KIF16B: variants seen among roughly 807,000 people sequenced by gnomAD.
The protein encoded by KIF16B is kinesin-like protein KIF16B.
KIF16B carries 98 observed loss-of-function variants against 156.3 expected under a neutral mutation model. The observed-to-expected ratio is 0.63, with a 90% CI of 0.53 to 0.74. The LOEUF is 0.74. Ranked by LOEUF, KIF16B falls within the 30% of genes least tolerant of loss-of-function variation. KIF16B has a pLI of 0.00. For synonymous variants in KIF16B, 564 were observed against 583.7 expected, an observed-to-expected ratio of 0.97 and a Z score of 0.49; for missense variants, 1,421 against 1,606.5, an observed-to-expected ratio of 0.88 and a Z score of 1.97.
chr20:16,559,293 T>C (rs968492751), intron 1 of KIF16B, among the ~76,000 whole-genome samples: 1 of 152,152 alleles, frequency 6.6e-6, no homozygotes, highest in Non-Finnish European at 1.5e-5. Flanking sequence ...TGCCTATCCA[T>C]AGTCCATCAA....
At chr20:16,425,899 C>G (rs1401220716) in intron 15 of KIF16B, among the ~76,000 whole-genome samples, 1 of 152,100 alleles carries the variant, frequency 6.6e-6, no homozygotes, top group African/African-American at 2.4e-5. Context: ...TACCAGGCAG[C>G]ATGACTGAGA....
chr20:16,554,922 G>C (rs1421054390), intron 1 of KIF16B, among the ~76,000 whole-genome samples: 1 of 152,226 alleles, frequency 6.6e-6, no homozygotes, highest in Non-Finnish European at 1.5e-5. Flanking sequence ...CAGCACGCCT[G>C]GCTGTGAGCA....
intron 1 of KIF16B, among the ~76,000 whole-genome samples, chr20:16,544,351 T>A (rs1433890450): frequency 6.6e-6 from 1 of 152,172 alleles, no homozygotes; most frequent in Non-Finnish European, 1.5e-5. Flanking sequence ...GGCTCACGCC[T>A]GTAATCCCAG....
intron 12 of KIF16B, among the ~76,000 whole-genome samples, chr20:16,445,127 G>A (rs1338008353): frequency 2.0e-5 from 3 of 152,056 alleles, no homozygotes; most frequent in African/African-American, 7.2e-5. Flanking sequence ...ATCAGCCTAA[G>A]AGTTCCAGGC....
chr20:16,336,174 A>G (rs182700792), intron 23 of KIF16B, among the ~76,000 whole-genome samples, 159 bp from the exon 24 acceptor site: 1 of 152,376 alleles, frequency 6.6e-6, no homozygotes, highest in East Asian at 1.9e-4. Flanking sequence ...CAACTTAGAA[A>G]TAATAAATGT....
At chr20:16,291,031 A>G (rs754970724) in intron 25 of KIF16B, among the ~76,000 whole-genome samples, 65 of 152,232 alleles carry the variant, frequency 4.3e-4, no homozygotes, top group Admixed American at 1.8e-3. Context: ...AACCAAAAGT[A>G]TATACATTGA....
chr20:16,506,194 T>C lies in KIF16B; in HGVS notation c.700-4A>G, dbSNP rs745627902. ...GCATTTCAGAATCAAATTTAGCCTG[T>C]GGTAAAATAAAAAAGTAAAATTGAA... On this transcript the variant is annotated splice_polypyrimidine_tract_variant and splice_region_variant and intron_variant, in intron 7 of 25. Coordinates refer to ENST00000354981, the MANE Select transcript of KIF16B (RefSeq NM_024704.5). The C allele has an allele frequency of 1.1e-5, 17 of 1,613,684 alleles. No individual in the cohort carries two copies. The highest frequency in any genetic ancestry group is 1.7e-5 in the Admixed American group (1 of 59,998).
intron 23 of KIF16B, among the ~76,000 whole-genome samples, chr20:16,355,054 C>T (rs566051204): frequency 6.6e-6 from 1 of 150,490 alleles, no homozygotes; most frequent in South Asian, 2.1e-4. Flanking sequence ...TAACGGAAAA[C>T]TTAGTATATA....
At chr20:16,493,349 T>G (rs1183789361) in intron 12 of KIF16B, among the ~76,000 whole-genome samples, 1 of 152,218 alleles carries the variant, frequency 6.6e-6, no homozygotes, top group Non-Finnish European at 1.5e-5. Flanking sequence ...AGTTGTCAGA[T>G]GCAGAACTCA....
At position 16,515,650 on chromosome 20, in the gene KIF16B, G is replaced by A. The variant is rs182550117; in HGVS notation, c.246C>T (p.Leu82=). The stretch of plus-strand genomic sequence containing the variant: ...ATGCAGACTTCACGACATCTGTGCC[G>A]AGGGTTTTGAAAACCTGAAAGCCAA... ...YVSQEMVFKT[L]GTDVVKSAFE... The change falls in exon 4 of 26, where the codon CTC becomes CTT. Residue 82 remains leucine, a synonymous_variant. Coordinates refer to ENST00000354981, the MANE Select transcript of KIF16B (RefSeq NM_024704.5). 29 of 1,608,608 alleles carry A rather than the reference G, an allele frequency of 1.8e-5. No individual in the cohort carries two copies. The highest frequency in any genetic ancestry group is 6.7e-5 in the Admixed American group (4 of 59,730).
chr20:16,336,425 T>A (rs1480033154), intron 23 of KIF16B, among the ~76,000 whole-genome samples: 1 of 152,218 alleles, frequency 6.6e-6, no homozygotes, highest in Non-Finnish European at 1.5e-5. Context: ...CAATTCAGCC[T>A]TTAATAGGCT....
intron 23 of KIF16B, among the ~76,000 whole-genome samples, chr20:16,339,861 A>G (rs1259857945): frequency 6.6e-6 from 1 of 152,124 alleles, no homozygotes; most frequent in East Asian, 1.9e-4. Context: ...TCTTGCCTGG[A>G]TTATTTTTAA....
chr20:16,366,861 A>C (rs1277862132), intron 22 of KIF16B: 1 of 1,131,422 alleles, frequency 8.8e-7, no homozygotes, highest in Non-Finnish European at 1.1e-6. Context: ...GAAATGCTTT[A>C]ATCACCTCAC....
chr20:16,554,265 A>G (rs918695742), intron 1 of KIF16B, among the ~76,000 whole-genome samples: 2 of 152,130 alleles, frequency 1.3e-5, no homozygotes, highest in African/African-American at 2.4e-5. Flanking sequence ...TTCCTCCCCT[A>G]TGAGGCCCAT....
chr20:16,530,563 G>A lies in KIF16B; in HGVS notation c.48-2123C>T, dbSNP rs1375322851. Among the ~76,000 whole-genome samples the A allele has an allele frequency of 2.6e-5, 4 of 152,314 alleles. No homozygotes were observed. In the East Asian group the frequency reaches 7.7e-4, roughly 29 times the overall value. On this transcript the variant is annotated intron_variant, in intron 1 of 25. Coordinates refer to ENST00000354981, the MANE Select transcript of KIF16B (RefSeq NM_024704.5). ...CCCCAAGCCCGCACCGGGACATGAT[G>A]ATGAGAGATGACTGGGAAGCCGTCT...
intron 1 of KIF16B, among the ~76,000 whole-genome samples, chr20:16,566,980 A>C (rs982910600): frequency 1.3e-5 from 2 of 152,212 alleles, no homozygotes; most frequent in African/African-American, 4.8e-5. Flanking sequence ...CCTGCCTTGC[A>C]ACTAATTCTT....
chr20:16,529,406 A>T (rs1315261475), intron 1 of KIF16B, among the ~76,000 whole-genome samples: 1 of 152,256 alleles, frequency 6.6e-6, no homozygotes, highest in African/African-American at 2.4e-5. Flanking sequence ...AACTATTTCA[A>T]TTACGACTCT....
chr20:16,278,715 G>A (rs2063100722), intron 25 of KIF16B, among the ~76,000 whole-genome samples: 1 of 152,166 alleles, frequency 6.6e-6, no homozygotes, highest in East Asian at 1.9e-4. Flanking sequence ...CTTTTAAAGT[G>A]GAGGCCAGAA....
intron 22 of KIF16B, among the ~76,000 whole-genome samples, chr20:16,363,103 G>A (rs2064582488): frequency 6.6e-6 from 1 of 152,190 alleles, no homozygotes. Flanking sequence ...AGAAAAATCA[G>A]AGGAGGCAGA....
Sources: gnomAD v4.1 joint callset for allele counts (sites outside exome capture counted in the v4.1 genomes callset) on GRCh38, gnomAD v4.1.1 for gene constraint, MANE v1.5 for transcripts, NCBI Gene and HGNC (gene_info 2026-07-23, HGNC 2026-07-21) for gene names.